Variants in DYNC2H1 observed in about 807,000 individuals in gnomAD.
DYNC2H1 encodes the protein cytoplasmic dynein 2 heavy chain 1.
A neutral mutation model predicts 570.0 loss-of-function variants in DYNC2H1; 410 were observed. The observed-to-expected ratio is 0.72, with a 90% CI of 0.66 to 0.78. The LOEUF (loss-of-function observed/expected upper bound fraction) is 0.78. Ranked by LOEUF, DYNC2H1 falls within the 30% of genes least tolerant of loss-of-function variation. DYNC2H1 has a pLI of 0.00. For missense variants in DYNC2H1, 4,865 were observed against 5,046.4 expected (o/e 0.96, Z 1.09); for synonymous variants, 1,688 against 1,677.6 (o/e 1.01, Z -0.15).
In DYNC2H1 at chr11:103,170,919, G is replaced by T. The variant is rs777061557; in HGVS notation, c.5185G>T (p.Val1729Phe). The change falls in exon 34 of 89, where the codon GTT (valine) becomes TTT (phenylalanine). Residue 1729 changes from valine (V) to phenylalanine (F), a missense_variant. By Grantham distance (50) the Val-to-Phe change is conservative. Coordinates refer to ENST00000375735, the MANE Select transcript of DYNC2H1 (RefSeq NM_001377.3). The surrounding 1 kb of genome is among the most constrained non-coding windows in gnomAD (Gnocchi z 4.8). The stretch of plus-strand genomic sequence containing the variant: ...TGTGAAGTCAATGGGACGAATATTT[G>T]TTGGTTTGGTGAAGTGTGGGGCCTG... Reference protein sequence around the residue: ...IDVKSMGRIFVGLVKCGAWGC... With the variant: ...IDVKSMGRIFFGLVKCGAWGC... 1 of 1,583,698 alleles carries T rather than the reference G, an allele frequency of 6.3e-7. No individual in the cohort carries two copies. Among genetic ancestry groups the T allele is most frequent in the Non-Finnish European group, 8.6e-7 (1 of 1,161,120 alleles).
At chr11:103,336,415 C>T (rs1198706323) in intron 82 of DYNC2H1, among the ~76,000 whole-genome samples, 1 of 152,026 alleles carries the variant, frequency 6.6e-6, no homozygotes, top group Non-Finnish European at 1.5e-5. Context: ...ATTTTTGTAC[C>T]CATTAACCAA....
intron 10 of DYNC2H1, 149 bp downstream of exon 10, chr11:103,121,645 A>G: frequency 3.5e-6 from 3 of 861,750 alleles, no homozygotes; most frequent in Non-Finnish European, 5.0e-6. Flanking sequence ...GAACACTGAA[A>G]AAGTATGCAG....
At chr11:103,153,656 T>TTAGGACAACAATAA in intron 22 of DYNC2H1, 148 bp downstream of exon 22, 1 of 788,142 alleles carries the variant, frequency 1.3e-6, no homozygotes, top group South Asian at 1.8e-5. Context: ...ATTCATATAC[T>TTAGGACAACAATAA]GTTGTCTTAG....
chr11:103,303,822 A>G (rs919468979), intron 76 of DYNC2H1, among the ~76,000 whole-genome samples: 1 of 152,294 alleles, frequency 6.6e-6, no homozygotes, highest in Non-Finnish European at 1.5e-5. Flanking sequence ...GTAATTTCTT[A>G]AAGCAGTTAT....
Position 103,181,828 on chromosome 11 carries a change from A to C in DYNC2H1, c.6419A>C (p.Asn2140Thr). 6.3e-7 allele frequency: 1 copy of C among 1,596,716 alleles called. No homozygotes were observed. ...AATCAGCCTGCTGAATATAGAAATAATCTTGAAAATTGGATTGGAGATTAT... is the reference window on the plus strand; with the variant it reads ...AATCAGCCTGCTGAATATAGAAATACTCTTGAAAATTGGATTGGAGATTAT... ...LRNQPAEYRN[N>T]LENWIGDYFE... The change falls in exon 40 of 89, where the codon AAT becomes ACT. Residue 2140 changes from asparagine (N) to threonine (T), a missense_variant. Physicochemically the swap from Asn to Thr is moderately conservative, Grantham distance 65. Coordinates refer to ENST00000375735, the MANE Select transcript of DYNC2H1 (RefSeq NM_001377.3). This position sits in a 1 kb window ranked among gnomAD's most constrained non-coding sequence, Gnocchi z 5.0.
rs943680446 is a variant in DYNC2H1, at chr11:103,253,440, C to T, written c.10198C>T (p.Arg3400Ter). ...CTTTACTACAACAAGAAGTGGATTA[C>T]GAGGGCAGGTATACATAGATAATAA... ...VNFTTTRSGL[R>*]GQLLALTIQH... is the part of the protein sequence containing the mutation. The change falls in exon 66 of 89, where the codon CGA becomes TGA. Residue 3400 changes from arginine to a stop codon, truncating the protein, a stop_gained. Coordinates refer to ENST00000375735, the MANE Select transcript of DYNC2H1 (RefSeq NM_001377.3). LOFTEE classifies it high-confidence loss of function. 42 of 1,611,574 alleles carry T rather than the reference C, an allele frequency of 2.6e-5. No individual in the cohort carries two copies. The highest frequency in any genetic ancestry group is 2.7e-5 in the African/African-American group (2 of 74,802).
At chr11:103,345,793 T>C (rs1349866493) in intron 82 of DYNC2H1, among the ~76,000 whole-genome samples, 2 of 152,164 alleles carry the variant, frequency 1.3e-5, no homozygotes, top group Non-Finnish European at 2.9e-5. Context: ...AATAGACTAC[T>C]GGGGAGTAAG....
chr11:103,113,401 A>G (rs998269013), intron 1 of DYNC2H1, 136 bp from the exon 2 acceptor site: 6 of 566,310 alleles, frequency 1.1e-5, no homozygotes, highest in Non-Finnish European at 1.7e-5. Flanking sequence ...GAAGAGATAA[A>G]TTGGTTTTAA....
At chr11:103,292,825 T>C (rs1406752155) in intron 75 of DYNC2H1, among the ~76,000 whole-genome samples, 2 of 152,364 alleles carry the variant, frequency 1.3e-5, no homozygotes, top group Non-Finnish European at 2.9e-5. Flanking sequence ...AACAGCTCTC[T>C]TGAGGCCCCC....
Position 103,115,196 on chromosome 11 carries a change from T to C in DYNC2H1, c.522T>C (p.Asp174=). The C allele has an allele frequency of 6.2e-7, 1 of 1,610,406 alleles. No individual in the cohort carries two copies. Among genetic ancestry groups the C allele is most frequent in the Non-Finnish European group, 8.5e-7 (1 of 1,178,236 alleles). The change falls in exon 4 of 89, where the codon GAT becomes GAC. Residue 174 remains aspartate, a synonymous_variant. Coordinates refer to ENST00000375735, the MANE Select transcript of DYNC2H1 (RefSeq NM_001377.3). ...TTATAGGTATCCTTACACCAAGCGATGAGTTCCAGTTTTGGATAGAACAAG... is the reference window on the plus strand; with the variant it reads ...TTATAGGTATCCTTACACCAAGCGACGAGTTCCAGTTTTGGATAGAACAAG... ...DDTRGILTPS[D]EFQFWIEQAH... is the part of the protein sequence containing the mutation.
At chr11:103,134,476 A>G in intron 15 of DYNC2H1, 57 bp downstream of exon 15, 1 of 1,377,110 alleles carries the variant, frequency 7.3e-7, no homozygotes, top group East Asian at 2.4e-5. Flanking sequence ...TCAGAATGTA[A>G]GTACAATATA....
chr11:103,247,046 A>T (rs972690789), intron 65 of DYNC2H1, among the ~76,000 whole-genome samples: 3 of 151,526 alleles, frequency 2.0e-5, no homozygotes, highest in African/African-American at 7.3e-5. Context: ...AGCTCAGCCA[A>T]GACAGAAGGT....
chr11:103,413,334 A>G (rs1034339476), intron 84 of DYNC2H1, among the ~76,000 whole-genome samples: 2 of 152,194 alleles, frequency 1.3e-5, no homozygotes, highest in Admixed American at 6.6e-5. Flanking sequence ...TAAACGTTGA[A>G]TAATTTGTAT....
intron 61 of DYNC2H1, 34 bp from the exon 62 acceptor site, chr11:103,235,638 A>G (rs184975698): frequency 2.7e-5 from 42 of 1,582,774 alleles, no homozygotes; most frequent in Admixed American, 1.9e-4. Flanking sequence ...ACATACTCAT[A>G]TATCTCCCTC....
Position 103,344,625 on chromosome 11 carries a change from T to G in DYNC2H1, c.12040-13618T>G, listed in dbSNP as rs114711685. Among the ~76,000 whole-genome samples the G allele has an allele frequency of 2.4e-3, 369 of 152,332 alleles. 1 individual carries two copies. Among genetic ancestry groups the G allele is most frequent in the African/African-American group, 8.4e-3 (350 of 41,566 alleles). On this transcript the variant is annotated intron_variant, in intron 82 of 88. Transcript: ENST00000375735. ...ATGTTACCTTACCAAACAGACTGTT[T>G]TTGAGCATTTGTATAATATAGCAAC...
At chr11:103,365,616 T>C (rs188554219) in intron 83 of DYNC2H1, among the ~76,000 whole-genome samples, 113 of 152,322 alleles carry the variant, frequency 7.4e-4, no homozygotes, top group African/African-American at 2.5e-3. Flanking sequence ...GTTTCTAACC[T>C]TCAAACTTGT....
At chr11:103,371,315 C>T (rs1941136435) in intron 83 of DYNC2H1, among the ~76,000 whole-genome samples, 1 of 151,982 alleles carries the variant, frequency 6.6e-6, no homozygotes, top group Admixed American at 6.6e-5. Flanking sequence ...AGAAAGTAGA[C>T]TGAAAAGGGC....
intron 5 of DYNC2H1, among the ~76,000 whole-genome samples, chr11:103,117,248 T>C (rs1441000496): frequency 2.0e-5 from 3 of 146,986 alleles, no homozygotes; most frequent in Non-Finnish European, 1.5e-5. Flanking sequence ...ATATATTTAA[T>C]ATATATATTT....
At chr11:103,262,399 T>C (rs922679123) in intron 70 of DYNC2H1, among the ~76,000 whole-genome samples, 1 of 152,034 alleles carries the variant, frequency 6.6e-6, no homozygotes, top group Non-Finnish European at 1.5e-5. Context: ...CACATAATCA[T>C]CAGATTCACC....
Sources: gnomAD v4.1 joint callset for allele counts (sites outside exome capture counted in the v4.1 genomes callset) on GRCh38, gnomAD v4.1.1 for gene constraint, Gnocchi (gnomAD v3.1) non-coding constraint, MANE v1.5 for transcripts, NCBI Gene and HGNC (gene_info 2026-07-23, HGNC 2026-07-21) for gene names.